The following KAT6B variants were observed in gnomAD, a reference collection of about 807,000 sequenced individuals.
The protein encoded by KAT6B is lysine acetyltransferase 6B, also known as histone acetyltransferase KAT6B.
KAT6B carries 10 observed loss-of-function variants against 187.5 expected under a neutral mutation model. The ratio of observed to expected loss-of-function variants is 0.05; its 90% confidence interval spans 0.03 to 0.09. The LOEUF is 0.09. Among genes scored for constraint, KAT6B ranks in the 10% least tolerant of loss-of-function variants. KAT6B has a pLI of 1.00. For synonymous variants in KAT6B, 861 were observed against 926.8 expected (o/e 0.93, Z 1.29); for missense variants, 1,952 against 2,558.9 (o/e 0.76, Z 5.12).
At chr10:75,027,312 G>GC (rs1845941336) in intron 17 of KAT6B, among the ~76,000 whole-genome samples, 1 of 152,104 alleles carries the variant, frequency 6.6e-6, no homozygotes, top group African/African-American at 2.4e-5. Context: ...TGTAATACTT[G>GC]CAGGTAAGTT....
intron 1 of KAT6B, among the ~76,000 whole-genome samples, chr10:74,831,403 A>G (rs185429239): frequency 7.2e-4 from 109 of 152,346 alleles, no homozygotes; most frequent in African/African-American, 2.4e-3. Context: ...TGAGGTCAAT[A>G]AGATATTCTC....
rs530795452 is a variant in KAT6B, at chr10:75,030,104, G to T, written c.5280G>T (p.Pro1760=). 1.2e-6 allele frequency: 2 copies of T among 1,614,210 alleles called. No homozygotes were observed. Among genetic ancestry groups the T allele is most frequent in the East Asian group, 4.5e-5 (2 of 44,892 alleles). ...AAGGCTGTGTGGTGGAGAGGCCTCC[G>T]AGCAGCAGCCAGCAGCTGGCTCAGT... ...SPQGCVVERP[P]SSSQQLAQCS... The change falls in exon 18 of 18, where the codon CCG becomes CCT. Residue 1760 remains proline, a synonymous_variant. Coordinates refer to ENST00000287239, the MANE Select transcript of KAT6B (RefSeq NM_012330.4). This position sits in a 1 kb window ranked among gnomAD's most constrained non-coding sequence, Gnocchi z 4.8.
At chr10:74,914,960 C>G (rs1350681254) in intron 3 of KAT6B, among the ~76,000 whole-genome samples, 1 of 152,012 alleles carries the variant, frequency 6.6e-6, no homozygotes, top group Non-Finnish European at 1.5e-5. Flanking sequence ...AATAGCCAGG[C>G]TTGGTGGCCC....
intron 3 of KAT6B, among the ~76,000 whole-genome samples, chr10:74,922,690 G>A (rs906834124): frequency 3.9e-5 from 6 of 152,236 alleles, no homozygotes; most frequent in African/African-American, 1.2e-4. Context: ...CTTACATAGC[G>A]TTAAGCAAAA....
At chr10:74,874,429 G>C (rs1248015367) in intron 3 of KAT6B, among the ~76,000 whole-genome samples, 1 of 151,880 alleles carries the variant, frequency 6.6e-6, no homozygotes, top group African/African-American at 2.4e-5. Context: ...GCTCAGGCTG[G>C]AGTGCAGTGG....
At chr10:74,943,100 A>C (rs1235700975) in intron 3 of KAT6B, among the ~76,000 whole-genome samples, 1 of 152,230 alleles carries the variant, frequency 6.6e-6, no homozygotes, top group Non-Finnish European at 1.5e-5. Context: ...AGGAATCTTT[A>C]AGACAGCTGC....
intron 3 of KAT6B, among the ~76,000 whole-genome samples, chr10:74,856,077 T>A (rs1225480194): frequency 7.9e-5 from 12 of 151,954 alleles, no homozygotes; most frequent in South Asian, 2.1e-4. Context: ...GGCCCCAAAA[T>A]CTCATTTATA....
intron 3 of KAT6B, among the ~76,000 whole-genome samples, chr10:74,861,188 A>G (rs1843158993): frequency 6.6e-6 from 1 of 150,792 alleles, no homozygotes; most frequent in African/African-American, 2.4e-5. Context: ...TGTAATCCCA[A>G]CTCCTCAGGA....
intron 16 of KAT6B, chr10:75,023,363 G>A (rs755507066): frequency 2.0e-5 from 3 of 152,240 alleles, no homozygotes; most frequent in African/African-American, 4.8e-5. Context: ...GGGTCTCCAT[G>A]GGGAGGTGGT....
intron 3 of KAT6B, among the ~76,000 whole-genome samples, chr10:74,952,609 G>T (rs1436653191): frequency 6.6e-6 from 1 of 152,080 alleles, no homozygotes; most frequent in Non-Finnish European, 1.5e-5. Context: ...AAGCATTGTG[G>T]TAAACAGCAA....
intron 1 of KAT6B, among the ~76,000 whole-genome samples, chr10:74,835,670 A>G (rs1841245536): frequency 6.6e-6 from 1 of 152,212 alleles, no homozygotes; most frequent in African/African-American, 2.4e-5. Context: ...TTCCTTTTGT[A>G]AAAACAACAA....
At chr10:74,992,883 G>T (rs1457263544) in intron 13 of KAT6B, among the ~76,000 whole-genome samples, 3 of 152,140 alleles carry the variant, frequency 2.0e-5, no homozygotes, top group Non-Finnish European at 4.4e-5. Context: ...CTCCCTAGTG[G>T]GTTTTATGAC....
intron 13 of KAT6B, among the ~76,000 whole-genome samples, chr10:74,998,919 C>G (rs1479479814): frequency 6.6e-6 from 1 of 152,058 alleles, no homozygotes. Flanking sequence ...TAGAACCAGA[C>G]CCTGTTTCTT....
At chr10:74,835,647 A>C (rs1841243099) in intron 1 of KAT6B, among the ~76,000 whole-genome samples, 1 of 152,218 alleles carries the variant, frequency 6.6e-6, no homozygotes, top group Non-Finnish European at 1.5e-5. Flanking sequence ...ATCTTGGCTA[A>C]GTCAAGCCTG....
Position 75,026,139 on chromosome 10 carries a change from C to T in KAT6B, c.3664+890C>T, listed in dbSNP as rs1231644939. ...CCAGCCTGGGTGACAGAATGAGACC[C>T]TTTCTCAAAAAAAAAAAAAAAAAAA... On this transcript the variant is annotated intron_variant, in intron 17 of 17. Coordinates refer to ENST00000287239, the MANE Select transcript of KAT6B (RefSeq NM_012330.4). 17 of 125,826 alleles carry T rather than the reference C, an allele frequency of 1.4e-4. No homozygotes were observed. The Admixed American group carries it at 1.5e-3, about 11-fold the overall frequency. The allele number at this position is 125,826 out of a possible 1,614,324, so 7.8% of individuals were successfully genotyped here.
At chr10:74,832,826 T>A (rs1451578426) in intron 1 of KAT6B, among the ~76,000 whole-genome samples, 1 of 151,774 alleles carries the variant, frequency 6.6e-6, no homozygotes, top group Non-Finnish European at 1.5e-5. Context: ...AAAAGTTTTT[T>A]AAAAATCACA....
chr10:74,995,919 C>T (rs1413349013), intron 13 of KAT6B, among the ~76,000 whole-genome samples: 12 of 152,208 alleles, frequency 7.9e-5, no homozygotes, highest in Admixed American at 7.2e-4. Flanking sequence ...TTTACTCGGG[C>T]CTGCAGAGCC....
At chr10:74,845,539 CA>C (rs1201779378) in intron 3 of KAT6B, among the ~76,000 whole-genome samples, 46 of 119,196 alleles carry the variant, frequency 3.9e-4, no homozygotes, top group East Asian at 1.2e-3. Flanking sequence ...AAAAAAAAAA[CA>C]AAAAAAAAAA....
intron 3 of KAT6B, among the ~76,000 whole-genome samples, chr10:74,884,475 A>G (rs1845089433): frequency 6.6e-6 from 1 of 152,154 alleles, no homozygotes; most frequent in South Asian, 2.1e-4. Flanking sequence ...GTGTTTCCTT[A>G]TGTTGTTTTA....
Sources: gnomAD v4.1 joint callset for allele counts (sites outside exome capture counted in the v4.1 genomes callset) on GRCh38, gnomAD v4.1.1 for gene constraint, Gnocchi (gnomAD v3.1) non-coding constraint, MANE v1.5 for transcripts, NCBI Gene and HGNC (gene_info 2026-07-23, HGNC 2026-07-21) for gene names.